Variants in C12orf42 observed in about 807,000 individuals in gnomAD.
The protein encoded by C12orf42 is uncharacterized protein C12orf42.
A neutral mutation model predicts 21.6 loss-of-function variants in C12orf42; 25 were observed. The observed-to-expected ratio is 1.16, with a 90% CI of 0.84 to 1.62. The LOEUF (loss-of-function observed/expected upper bound fraction) is 1.62, where lower values mean the gene tolerates loss of function less well. Among genes scored for constraint, C12orf42 ranks in the 40% most tolerant of loss-of-function variants. The probability of loss-of-function intolerance (pLI) is 0.00; values close to 1 mark genes in which losing one functional copy is unlikely to be tolerated. For synonymous variants in C12orf42, 174 were observed against 175.0 expected, an observed-to-expected ratio of 0.99 and a Z score of 0.05; for missense variants, 483 against 459.3, an observed-to-expected ratio of 1.05 and a Z score of -0.47.
At chr12:103,259,838 T>G (rs181044212) in intron 10 of C12orf42, among the ~76,000 whole-genome samples, 18 of 152,294 alleles carry the variant, frequency 1.2e-4, no homozygotes, top group Non-Finnish European at 2.4e-4. Context: ...TTGCAGTACA[T>G]GGACTGTAGG....
chr12:103,097,476 A>G, the C12orf42 span, among the ~76,000 whole-genome samples: 4 of 152,354 alleles, frequency 2.6e-5, no homozygotes, highest in South Asian at 8.3e-4. Flanking sequence ...CAAATCAGTA[A>G]TCTGAGAAAT....
intron 2 of C12orf42, among the ~76,000 whole-genome samples, chr12:103,472,182 G>A (rs1453339812): frequency 1.3e-5 from 2 of 150,046 alleles, no homozygotes; most frequent in African/African-American, 4.9e-5. Flanking sequence ...AGCCTCACGA[G>A]TAGCTGGGAC....
At chr12:103,277,265 T>C (rs945433694) in intron 4 of C12orf42, 11 of 385,648 alleles carry the variant, frequency 2.9e-5, no homozygotes, top group Non-Finnish European at 5.5e-5. Context: ...GTATATTAAT[T>C]CAAAAATTAT....
intron 2 of C12orf42, among the ~76,000 whole-genome samples, chr12:103,447,043 A>G (rs1951622970): frequency 6.6e-6 from 1 of 152,058 alleles, no homozygotes; most frequent in Non-Finnish European, 1.5e-5. Context: ...ATTCTATGCA[A>G]CAACTGCAGA....
At chr12:103,185,534 T>C in the C12orf42 span, among the ~76,000 whole-genome samples, 1 of 152,064 alleles carries the variant, frequency 6.6e-6, no homozygotes, top group African/African-American at 2.4e-5. Flanking sequence ...TTTTTTCTCC[T>C]GCCAGGCTCT....
intron 2 of C12orf42, among the ~76,000 whole-genome samples, chr12:103,418,237 T>C (rs2049538091): frequency 6.6e-6 from 1 of 152,188 alleles, no homozygotes; most frequent in Non-Finnish European, 1.5e-5. Context: ...TTTGGAATTA[T>C]CAATTCGTGA....
intron 2 of C12orf42, among the ~76,000 whole-genome samples, chr12:103,463,018 G>A (rs936699809): frequency 3.3e-5 from 5 of 152,148 alleles, no homozygotes; most frequent in South Asian, 4.1e-4. Flanking sequence ...CTCAGTTTCC[G>A]CTGTATTAAT....
intron 4 of C12orf42, among the ~76,000 whole-genome samples, chr12:103,357,454 T>G (rs140924019): frequency 2.8e-4 from 43 of 152,152 alleles, no homozygotes; most frequent in African/African-American, 1.0e-3. Context: ...CCATATTTGT[T>G]GCTTTTAACC....
At chr12:103,378,207 A>G (rs1341917880) in intron 3 of C12orf42, among the ~76,000 whole-genome samples, 1 of 152,094 alleles carries the variant, frequency 6.6e-6, no homozygotes, top group Non-Finnish European at 1.5e-5. Context: ...TTCACCACTA[A>G]TTTTACAGAG....
chr12:103,146,551 TAAAGAAAGAAAAGAAAG>T, the C12orf42 span, among the ~76,000 whole-genome samples: 7 of 39,360 alleles, frequency 1.8e-4, no homozygotes, highest in Admixed American at 6.8e-4. Flanking sequence ...GAAAGAGAAA[TAAAGAAAGAAAAGAAAG>T]AAAGAAAGAA....
the C12orf42 span, among the ~76,000 whole-genome samples, chr12:103,117,501 T>C: frequency 1.3e-5 from 2 of 152,244 alleles, no homozygotes; most frequent in African/African-American, 2.4e-5. Flanking sequence ...ATTTAAACGA[T>C]GGCTGCCATC....
chr12:103,238,064 C>G (rs1048802687), intron 10 of C12orf42, among the ~76,000 whole-genome samples: 6 of 152,164 alleles, frequency 3.9e-5, no homozygotes, highest in Admixed American at 3.9e-4. Context: ...CAAATCTGCA[C>G]CCTAGAGTAG....
At chr12:103,080,620 A>G in the C12orf42 span, among the ~76,000 whole-genome samples, 1 of 152,200 alleles carries the variant, frequency 6.6e-6, no homozygotes, top group Admixed American at 6.5e-5. Flanking sequence ...GTGAACACAA[A>G]CTTTAAAAAA....
intron 4 of C12orf42, among the ~76,000 whole-genome samples, chr12:103,350,302 C>T (rs987621125): frequency 3.3e-5 from 5 of 152,158 alleles, no homozygotes; most frequent in African/African-American, 9.7e-5. Context: ...CTCCATCGCA[C>T]CTGAGAGGTG....
At chr12:103,499,090 T>C (rs1299484180), upstream of C12orf42, among the ~76,000 whole-genome samples, 1 of 151,798 alleles carries the variant, frequency 6.6e-6, no homozygotes, top group Non-Finnish European at 1.5e-5. Flanking sequence ...TGATAGATGA[T>C]GGGGAGCGAG....
the C12orf42 span, among the ~76,000 whole-genome samples, chr12:103,106,332 G>T: frequency 6.6e-6 from 1 of 151,844 alleles, no homozygotes; most frequent in East Asian, 1.9e-4. Flanking sequence ...TAAGAAAGAG[G>T]CTGAAACTGA....
intron 10 of C12orf42, among the ~76,000 whole-genome samples, chr12:103,251,130 C>T (rs2034278616): frequency 6.6e-6 from 1 of 152,084 alleles, no homozygotes; most frequent in Admixed American, 6.6e-5. Flanking sequence ...AGAAGTCATT[C>T]CTGACCTCAT....
intron 2 of C12orf42, 22 bp downstream of exon 2, chr12:103,478,327 T>C (rs1459963315): frequency 9.9e-6 from 15 of 1,517,066 alleles, no homozygotes; most frequent in Non-Finnish European, 4.5e-6. Flanking sequence ...AGTAAGAAAA[T>C]ATAGTATCTC....
the C12orf42 span, among the ~76,000 whole-genome samples, chr12:103,529,317 A>G: frequency 6.6e-6 from 1 of 152,354 alleles, no homozygotes; most frequent in African/African-American, 2.4e-5. Flanking sequence ...TTAAATAAGC[A>G]AGGATATAAC....
Sources: gnomAD v4.1 joint callset for allele counts (sites outside exome capture counted in the v4.1 genomes callset) on GRCh38, gnomAD v4.1.1 for gene constraint, MANE v1.5 for transcripts, NCBI Gene and HGNC (gene_info 2026-07-23, HGNC 2026-07-21) for gene names.